Variants in SDK1 observed in about 807,000 individuals in gnomAD.
SDK1 encodes sidekick cell adhesion molecule 1.
A neutral mutation model predicts 245.5 loss-of-function variants in SDK1; 157 were observed. The ratio of observed to expected loss-of-function variants is 0.64; its 90% confidence interval spans 0.56 to 0.73. SDK1 has a LOEUF of 0.73. SDK1 is among the 30% of genes least tolerant of loss of function. SDK1 has a pLI of 0.00. For synonymous variants in SDK1, 1,647 were observed against 1,278.5 expected (o/e 1.29, Z -6.15); for missense variants, 3,583 against 3,002.3 (o/e 1.19, Z -4.52).
intron 4 of SDK1, among the ~76,000 whole-genome samples, chr7:3,787,296 T>A (rs1481061473): frequency 6.6e-6 from 1 of 152,122 alleles, no homozygotes; most frequent in Non-Finnish European, 1.5e-5. Context: ...ACAAAATTAT[T>A]TTTTCTATAC....
chr7:3,727,833 C>T (rs566675115), intron 4 of SDK1, among the ~76,000 whole-genome samples: 15 of 152,192 alleles, frequency 9.9e-5, no homozygotes, highest in Admixed American at 3.3e-4. Context: ...ATATATTAAC[C>T]AAGCGAGGTC....
intron 16 of SDK1, among the ~76,000 whole-genome samples, chr7:4,015,227 C>A (rs552720018): frequency 6.6e-6 from 1 of 152,172 alleles, no homozygotes; most frequent in African/African-American, 2.4e-5. Flanking sequence ...CCAACACCAC[C>A]CAGCTTCTGA....
At chr7:4,108,724 C>G (rs2128189916) in intron 22 of SDK1, among the ~76,000 whole-genome samples, 1 of 152,286 alleles carries the variant, frequency 6.6e-6, no homozygotes. Flanking sequence ...ATACCATTCA[C>G]AACTTAGTAG....
At chr7:4,157,529 G>GAGGA (rs146517011) in intron 30 of SDK1, among the ~76,000 whole-genome samples, 24,983 of 145,548 alleles carry the variant, frequency 0.17, 2,348 homozygotes, top group South Asian at 0.23. Flanking sequence ...GGGAGGGAGG[G>GAGGA]AGGAAGGAAG....
At chr7:3,559,350 T>G (rs888334422) in intron 1 of SDK1, among the ~76,000 whole-genome samples, 1 of 152,206 alleles carries the variant, frequency 6.6e-6, no homozygotes, top group Admixed American at 6.5e-5. Context: ...TCCGCGGTTA[T>G]GCAGCATGGT....
intron 4 of SDK1, among the ~76,000 whole-genome samples, chr7:3,661,887 G>T (rs1231211806): frequency 2.6e-5 from 4 of 152,000 alleles, no homozygotes; most frequent in Non-Finnish European, 5.9e-5. Flanking sequence ...TAGCATGGCT[G>T]AGGGGGTTAC....
intron 1 of SDK1, among the ~76,000 whole-genome samples, chr7:3,360,978 A>G (rs1780935641): frequency 6.6e-6 from 1 of 152,198 alleles, no homozygotes; most frequent in Non-Finnish European, 1.5e-5. Flanking sequence ...CATTTATAGC[A>G]TATGTGCTAA....
At chr7:3,700,378 G>A (rs912513251) in intron 4 of SDK1, among the ~76,000 whole-genome samples, 1 of 152,202 alleles carries the variant, frequency 6.6e-6, no homozygotes, top group African/African-American at 2.4e-5. Context: ...ATTGTCAAAT[G>A]TAGTTCACAG....
intron 4 of SDK1, among the ~76,000 whole-genome samples, chr7:3,796,849 A>G (rs184317712): frequency 4.4e-4 from 67 of 152,254 alleles, no homozygotes; most frequent in African/African-American, 1.4e-3. Flanking sequence ...AAAGTTATCA[A>G]TGTTATATAG....
intron 1 of SDK1, among the ~76,000 whole-genome samples, chr7:3,518,889 G>T (rs1608136): frequency 0.26 from 39,693 of 151,650 alleles, 5,388 homozygotes; most frequent in East Asian, 0.33. Flanking sequence ...AGATATGGAA[G>T]TAACCCATGT....
chr7:3,534,542 A>G (rs1165496678), intron 1 of SDK1, among the ~76,000 whole-genome samples: 4 of 151,976 alleles, frequency 2.6e-5, no homozygotes, highest in African/African-American at 9.7e-5. Flanking sequence ...CCTCCCCAGC[A>G]CTTGTCTTTT....
At chr7:4,262,406 C>A (rs6963119) in intron 44 of SDK1, among the ~76,000 whole-genome samples, 93,739 of 151,220 alleles carry the variant, frequency 0.62, 30,958 homozygotes, top group African/African-American at 0.86. Context: ...GAAAATGAAC[C>A]TAGAAAACAT....
chr7:3,588,220 A>C (rs1035875983), intron 1 of SDK1, among the ~76,000 whole-genome samples: 7 of 152,226 alleles, frequency 4.6e-5, no homozygotes, highest in African/African-American at 1.7e-4. Context: ...CATACCTGTT[A>C]CTTAGGTCAA....
chr7:4,123,841 G>A (rs1035054018), intron 25 of SDK1, among the ~76,000 whole-genome samples: 1 of 152,208 alleles, frequency 6.6e-6, no homozygotes, highest in African/African-American at 2.4e-5. Context: ...GTCCATGCAG[G>A]GAAGGTGCTC....
At chr7:3,581,564 A>G (rs368616289) in intron 1 of SDK1, among the ~76,000 whole-genome samples, 1 of 152,174 alleles carries the variant, frequency 6.6e-6, no homozygotes, top group Non-Finnish European at 1.5e-5. Flanking sequence ...TAAATTAGTT[A>G]AACCATTGTG....
At chr7:3,582,622 ACC>A (rs1345792868) in intron 1 of SDK1, among the ~76,000 whole-genome samples, 2 of 148,054 alleles carry the variant, frequency 1.4e-5, no homozygotes, top group East Asian at 4.1e-4. Flanking sequence ...TATGTAATGA[ACC>A]CTCGTGACAT....
chr7:4,266,479 A>G lies in SDK1; in HGVS notation c.*1095A>G. The G allele has an allele frequency of 1.0e-6, 1 of 985,320 alleles. No individual in the cohort carries two copies. Among genetic ancestry groups the G allele is most frequent in the Non-Finnish European group, 1.2e-6 (1 of 829,914 alleles). 61.0% of individuals were successfully genotyped at this position (985,320 alleles called of 1,614,324 possible). On this transcript the variant is annotated 3_prime_UTR_variant, in exon 45 of 45. Transcript: ENST00000404826. The stretch of plus-strand genomic sequence containing the variant: ...GTCCTGGCTTCTGCTGGCTGCTCGC[A>G]GCAGCCACCGCTTCTCCACCACTGG...
At chr7:3,811,877 C>T (rs544673610) in intron 4 of SDK1, among the ~76,000 whole-genome samples, 11 of 152,324 alleles carry the variant, frequency 7.2e-5, no homozygotes, top group Admixed American at 3.9e-4. Flanking sequence ...GATATCCCAT[C>T]AGATTTTTAC....
At chr7:4,135,037 G>C (rs1778971791) in intron 28 of SDK1, among the ~76,000 whole-genome samples, 1 of 152,210 alleles carries the variant, frequency 6.6e-6, no homozygotes, top group Non-Finnish European at 1.5e-5. Context: ...CCCTGCACGT[G>C]TCTACCTGGT....
Sources: allele counts gnomAD v4.1 joint callset (sites outside exome capture counted in the v4.1 genomes callset), GRCh38; gene constraint gnomAD v4.1.1; transcripts MANE v1.5; gene names NCBI Gene and HGNC (gene_info 2026-07-23, HGNC 2026-07-21).